The following GRIN2A variants were observed in gnomAD, a reference collection of about 807,000 sequenced individuals.
The protein encoded by GRIN2A is glutamate ionotropic receptor NMDA type subunit 2A.
GRIN2A carries 22 observed loss-of-function variants against 113.4 expected under a neutral mutation model. The observed-to-expected ratio is 0.19, with a 90% confidence interval of 0.14 to 0.28. The LOEUF is 0.28. GRIN2A is among the 10% of genes least tolerant of loss of function. The pLI is 1.00. For synonymous variants in GRIN2A, 827 were observed against 738.4 expected (o/e 1.12, Z -1.94); for missense variants, 1,502 against 1,887.0 (o/e 0.80, Z 3.78).
intron 2 of GRIN2A, among the ~76,000 whole-genome samples, chr16:10,142,992 T>C (rs147943366): frequency 6.6e-6 from 1 of 152,370 alleles, no homozygotes; most frequent in African/African-American, 2.4e-5. Flanking sequence ...TGAAAGCAAC[T>C]CATTATAGGA....
intron 5 of GRIN2A, among the ~76,000 whole-genome samples, chr16:9,845,560 C>T (rs2042757505): frequency 6.6e-6 from 1 of 152,126 alleles, no homozygotes; most frequent in Admixed American, 6.5e-5. Context: ...CCTCTGACAA[C>T]TTTCCCACAT....
chr16:10,078,613 A>T (rs1014524353), intron 2 of GRIN2A, among the ~76,000 whole-genome samples: 17 of 152,206 alleles, frequency 1.1e-4, no homozygotes, highest in African/African-American at 3.6e-4. Flanking sequence ...CCCCATGGAG[A>T]ATGCAGCTGC....
intron 2 of GRIN2A, among the ~76,000 whole-genome samples, chr16:10,021,305 C>T (rs1183891476): frequency 6.6e-6 from 1 of 152,174 alleles, no homozygotes; most frequent in Admixed American, 6.5e-5. Flanking sequence ...AGACTCTGCC[C>T]TCCTGGAATC....
At chr16:9,861,110 C>G (rs2043059747) in intron 4 of GRIN2A, among the ~76,000 whole-genome samples, 1 of 152,180 alleles carries the variant, frequency 6.6e-6, no homozygotes, top group African/African-American at 2.4e-5. Context: ...TCTAGTCTGG[C>G]TGGACCCAGT....
chr16:9,944,871 C>G (rs1198854730), intron 2 of GRIN2A, among the ~76,000 whole-genome samples: 3 of 152,200 alleles, frequency 2.0e-5, no homozygotes, highest in African/African-American at 7.2e-5. Context: ...CGTGGATTGT[C>G]TTTCATTCAT....
intron 4 of GRIN2A, among the ~76,000 whole-genome samples, chr16:9,870,452 A>G (rs946717975): frequency 6.6e-6 from 1 of 152,194 alleles, no homozygotes; most frequent in Admixed American, 6.5e-5. Flanking sequence ...GCTGCGTGTC[A>G]TTATGTGGAT....
At chr16:9,869,719 T>A (rs966431992) in intron 4 of GRIN2A, among the ~76,000 whole-genome samples, 7 of 152,226 alleles carry the variant, frequency 4.6e-5, no homozygotes, top group African/African-American at 7.2e-5. Flanking sequence ...ATAAATAAAG[T>A]AGTAACTGCA....
intron 2 of GRIN2A, among the ~76,000 whole-genome samples, chr16:10,139,288 C>A (rs1459600442): frequency 6.6e-6 from 1 of 152,058 alleles, no homozygotes; most frequent in African/African-American, 2.4e-5. Flanking sequence ...GGTGAGCTTC[C>A]CCACCAAACC....
intron 2 of GRIN2A, among the ~76,000 whole-genome samples, chr16:10,063,190 A>G (rs73508671): frequency 0.03 from 4,573 of 152,280 alleles, 247 homozygotes; most frequent in African/African-American, 0.11. Context: ...ACATGGATAT[A>G]AAAATGGGAA....
At chr16:10,038,426 A>G (rs1032312779) in intron 2 of GRIN2A, among the ~76,000 whole-genome samples, 1 of 152,100 alleles carries the variant, frequency 6.6e-6, no homozygotes, top group Non-Finnish European at 1.5e-5. Flanking sequence ...TTGGGGCTGG[A>G]TAACTCTGCA....
At chr16:9,809,048 C>T (rs758254152) in intron 10 of GRIN2A, among the ~76,000 whole-genome samples, 1 of 152,124 alleles carries the variant, frequency 6.6e-6, no homozygotes, top group Non-Finnish European at 1.5e-5. Flanking sequence ...TCACTGAAAA[C>T]CAAACTGTGA....
Position 9,761,892 on chromosome 16 carries a change from T to C in GRIN2A, c.*1257A>G, listed in dbSNP as rs1900599567. On this transcript the variant is annotated 3_prime_UTR_variant, in exon 13 of 13. Coordinates refer to ENST00000330684, the MANE Select transcript of GRIN2A (RefSeq NM_001134407.3). ...AGAGAATAACTCAGAAGGGAGAAAT[T>C]GCTTGTCTCACTAAACTGTATCCAC... 2 of 205,188 alleles carry C rather than the reference T, an allele frequency of 9.7e-6. No individual in the cohort carries two copies. The highest frequency in any genetic ancestry group is 3.8e-4 in the South Asian group (2 of 5,300). 12.7% of individuals were successfully genotyped at this position (205,188 alleles called of 1,614,324 possible).
In GRIN2A at chr16:9,792,953, G is replaced by T. The variant is rs1330686019; in HGVS notation, c.2356+5324C>A. 2.0e-5 allele frequency among the ~76,000 whole-genome samples: 3 copies of T among 152,178 alleles called. No individual in the cohort carries two copies. The East Asian group carries it at 5.8e-4, about 29-fold the overall frequency. Reference sequence around the variant, plus strand: ...CTGAACAGGGTGTTGTCCATTGGCTGGTAGCCTCAGCATCACCTGGCAGCT... The same window carrying T: ...CTGAACAGGGTGTTGTCCATTGGCTTGTAGCCTCAGCATCACCTGGCAGCT... On this transcript the variant is annotated intron_variant, in intron 11 of 12. Coordinates refer to ENST00000330684, the MANE Select transcript of GRIN2A (RefSeq NM_001134407.3).
At chr16:9,837,061 G>C (rs931176243) in intron 7 of GRIN2A, among the ~76,000 whole-genome samples, 20 of 152,176 alleles carry the variant, frequency 1.3e-4, no homozygotes, top group Non-Finnish European at 2.1e-4. Context: ...GTGGAGGAGA[G>C]AAAATAGGAA....
At chr16:10,155,212 G>T (rs1435046070) in intron 2 of GRIN2A, among the ~76,000 whole-genome samples, 1 of 152,228 alleles carries the variant, frequency 6.6e-6, no homozygotes, top group African/African-American at 2.4e-5. Context: ...GTCAGCAGGG[G>T]TCAGAAATCA....
chr16:10,106,813 T>C (rs1022104661), intron 2 of GRIN2A, among the ~76,000 whole-genome samples: 5 of 152,048 alleles, frequency 3.3e-5, no homozygotes, highest in African/African-American at 9.7e-5. Context: ...GAGCAGGACA[T>C]GGAGGGATTC....
At chr16:9,982,668 T>C (rs2045913256) in intron 2 of GRIN2A, among the ~76,000 whole-genome samples, 1 of 152,248 alleles carries the variant, frequency 6.6e-6, no homozygotes, top group Non-Finnish European at 1.5e-5. Flanking sequence ...TTCAATGCCC[T>C]GCAATTAGTA....
At chr16:9,834,043 T>C in intron 8 of GRIN2A, 62 bp downstream of exon 8, 1 of 1,556,308 alleles carries the variant, frequency 6.4e-7, no homozygotes, top group South Asian at 1.1e-5. Context: ...AAAACTGAAA[T>C]TTTCATTAAA....
Position 9,763,155 on chromosome 16 carries a change from A to C in GRIN2A, c.4389T>G (p.Asp1463Glu), listed in dbSNP as rs748047572. The change falls in exon 13 of 13, where the codon GAT (aspartate) becomes GAG (glutamate). Residue 1463 changes from aspartate to glutamate, a missense_variant. Physicochemically the swap from Asp to Glu is conservative, Grantham distance 45. Transcript: ENST00000330684. ...VYKKMPSIES[D>E]V ...AAACATTAATGGAAGATTTTTAAAC[A>C]TCAGATTCGATACTAGGCATTTTCT... 9 of 1,613,786 alleles carry C rather than the reference A, an allele frequency of 5.6e-6. No individual in the cohort carries two copies. Among genetic ancestry groups the C allele is most frequent in the Non-Finnish European group, 7.6e-6 (9 of 1,179,686 alleles).
Sources: gnomAD v4.1 joint callset for allele counts (sites outside exome capture counted in the v4.1 genomes callset) on GRCh38, gnomAD v4.1.1 for gene constraint, MANE v1.5 for transcripts, NCBI Gene and HGNC (gene_info 2026-07-23, HGNC 2026-07-21) for gene names.